PLCL1: variants seen among roughly 807,000 people sequenced by gnomAD.
The protein encoded by PLCL1 is phospholipase C like 1 (inactive).
Under a neutral mutation model 84.4 loss-of-function variants are expected in PLCL1, and 41 were observed. That is an observed-to-expected ratio of 0.49 (90% CI 0.38 to 0.63). PLCL1 has a LOEUF of 0.63. Ranked by LOEUF, PLCL1 falls within the 30% of genes least tolerant of loss-of-function variation. PLCL1 has a pLI of 0.00. For missense variants in PLCL1, 1,206 were observed against 1,367.8 expected, an observed-to-expected ratio of 0.88 and a Z score of 1.87; for synonymous variants, 490 against 488.3, an observed-to-expected ratio of 1.00 and a Z score of -0.05.
chr2:197,869,484 T>C (rs528376621), intron 1 of PLCL1, among the ~76,000 whole-genome samples: 37 of 152,296 alleles, frequency 2.4e-4, no homozygotes, highest in African/African-American at 8.4e-4. Context: ...ACTCTAATAA[T>C]ACTATTTCTG....
At chr2:198,110,493 T>TA (rs1421437285) in intron 5 of PLCL1, among the ~76,000 whole-genome samples, 1 of 151,876 alleles carries the variant, frequency 6.6e-6, no homozygotes, top group Non-Finnish European at 1.5e-5. Flanking sequence ...AGTGTAGAAA[T>TA]ACGCTTTCAA....
intron 1 of PLCL1, among the ~76,000 whole-genome samples, chr2:198,031,626 G>A (rs908005207): frequency 6.9e-6 from 1 of 145,234 alleles, no homozygotes; most frequent in Non-Finnish European, 1.5e-5. Context: ...CAGTGCTGAG[G>A]TTACAGGTAT....
chr2:197,850,519 G>T (rs1387048380), intron 1 of PLCL1, among the ~76,000 whole-genome samples: 2 of 152,084 alleles, frequency 1.3e-5, no homozygotes, highest in Non-Finnish European at 2.9e-5. Flanking sequence ...ATAATTTTTA[G>T]TAATATTTGG....
At chr2:197,879,096 A>C (rs1297641669) in intron 1 of PLCL1, among the ~76,000 whole-genome samples, 1 of 152,186 alleles carries the variant, frequency 6.6e-6, no homozygotes, top group African/African-American at 2.4e-5. Flanking sequence ...TCATGTGCTC[A>C]CACCCAGCCC....
At chr2:197,919,822 C>T (rs1198755354) in intron 1 of PLCL1, among the ~76,000 whole-genome samples, 1 of 152,166 alleles carries the variant, frequency 6.6e-6, no homozygotes, top group Non-Finnish European at 1.5e-5. Context: ...TCCTGATGAC[C>T]TGTGTTGACC....
At chr2:197,862,288 C>T (rs1427989946) in intron 1 of PLCL1, among the ~76,000 whole-genome samples, 1 of 151,972 alleles carries the variant, frequency 6.6e-6, no homozygotes, top group Non-Finnish European at 1.5e-5. Context: ...ATATAACTGA[C>T]AATAATAAAT....
chr2:197,928,135 T>A (rs939992591), intron 1 of PLCL1, among the ~76,000 whole-genome samples: 2 of 152,166 alleles, frequency 1.3e-5, no homozygotes, highest in Admixed American at 6.6e-5. Context: ...TTTCATCAAG[T>A]TTCAATTTTT....
chr2:198,053,213 T>C (rs988978513), intron 1 of PLCL1, among the ~76,000 whole-genome samples: 1 of 152,232 alleles, frequency 6.6e-6, no homozygotes, highest in Admixed American at 6.5e-5. Flanking sequence ...GAACTAATCA[T>C]TGGCCTTTTT....
intron 1 of PLCL1, among the ~76,000 whole-genome samples, chr2:197,884,388 G>T (rs1687881646): frequency 6.6e-6 from 1 of 152,192 alleles, no homozygotes. Context: ...TGTCCTAGAA[G>T]TCCTGTACAA....
chr2:197,943,838 C>T (rs1453090452), intron 1 of PLCL1, among the ~76,000 whole-genome samples: 2 of 152,098 alleles, frequency 1.3e-5, no homozygotes, highest in Non-Finnish European at 2.9e-5. Context: ...TAAAATATCT[C>T]TCATTACAGT....
chr2:197,833,384 A>G (rs1486486069), intron 1 of PLCL1, among the ~76,000 whole-genome samples: 1 of 152,190 alleles, frequency 6.6e-6, no homozygotes, highest in African/African-American at 2.4e-5. Context: ...CAGGACATCA[A>G]GTTGTCTCTG....
Position 197,804,774 on chromosome 2 carries a change from C to G in PLCL1, c.-326C>G, listed in dbSNP as rs1690429078. The stretch of plus-strand genomic sequence containing the variant: ...CGGTGCCTTTTGTCTGGCGCAGGGC[C>G]GGCGTTTGCATCACATTTCGGATAC... On this transcript the variant is annotated 5_prime_UTR_variant, in exon 1 of 6. Transcript: ENST00000428675. 1 of 223,380 alleles carries G rather than the reference C, an allele frequency of 4.5e-6. No individual in the cohort carries two copies. The highest frequency in any genetic ancestry group is 1.3e-4 in the South Asian group (1 of 7,452). 13.8% of individuals were successfully genotyped at this position (223,380 alleles called of 1,614,324 possible).
At chr2:197,913,429 G>T (rs1411652212) in intron 1 of PLCL1, among the ~76,000 whole-genome samples, 1 of 152,160 alleles carries the variant, frequency 6.6e-6, no homozygotes, top group Non-Finnish European at 1.5e-5. Context: ...GTTTACAGGG[G>T]TGTTGCAAAC....
chr2:198,122,300 T>G (rs1449885111), intron 5 of PLCL1, among the ~76,000 whole-genome samples: 4 of 152,128 alleles, frequency 2.6e-5, no homozygotes, highest in Admixed American at 6.6e-5. Flanking sequence ...TTTATTGTCT[T>G]TTTCTAGCAT....
chr2:197,880,782 C>T (rs571020298), intron 1 of PLCL1, among the ~76,000 whole-genome samples: 63 of 152,252 alleles, frequency 4.1e-4, no homozygotes, highest in Non-Finnish European at 7.9e-4. Context: ...GACAGATGTT[C>T]AGAATAAAGT....
rs115654806 is a variant in PLCL1, at chr2:197,806,298, A to G, written c.240+959A>G. ...TGTAAGTATATATGTGTGTGTGTAC[A>G]TACACACACACACATCCCTCAATGA... On this transcript the variant is annotated intron_variant, in intron 1 of 5. Transcript: ENST00000428675. Among the ~76,000 whole-genome samples, 1,345 of 152,356 alleles carry G rather than the reference A, an allele frequency of 8.8e-3. 5 individuals carry two copies. The highest frequency in any genetic ancestry group is 0.016 in the Non-Finnish European group (1,071 of 68,034).
At chr2:197,834,124 G>A (rs769897321) in intron 1 of PLCL1, among the ~76,000 whole-genome samples, 4 of 152,196 alleles carry the variant, frequency 2.6e-5, no homozygotes, top group African/African-American at 4.8e-5. Flanking sequence ...GCAGAAAACT[G>A]AAACTGGACC....
chr2:198,119,318 A>C (rs1693818411), intron 5 of PLCL1, among the ~76,000 whole-genome samples: 1 of 152,004 alleles, frequency 6.6e-6, no homozygotes, highest in Admixed American at 6.6e-5. Context: ...AAAGCCTAAG[A>C]CTTGAGTGAG....
intron 1 of PLCL1, among the ~76,000 whole-genome samples, chr2:198,031,294 A>G (rs1691415457): frequency 3.3e-5 from 5 of 151,894 alleles, no homozygotes; most frequent in Admixed American, 6.6e-5. Flanking sequence ...CTTGAACCCA[A>G]GAGTTTGAGG....
Sources: allele counts gnomAD v4.1 joint callset (sites outside exome capture counted in the v4.1 genomes callset), GRCh38; gene constraint gnomAD v4.1.1; transcripts MANE v1.5; gene names NCBI Gene and HGNC (gene_info 2026-07-23, HGNC 2026-07-21).